The following APBB1IP variants were observed in gnomAD, a reference collection of about 807,000 sequenced individuals.
APBB1IP encodes the protein amyloid beta A4 precursor protein-binding family B member 1-interacting protein.
A neutral mutation model predicts 64.9 loss-of-function variants in APBB1IP; 27 were observed. The observed-to-expected ratio is 0.42, with a 90% CI of 0.31 to 0.57. APBB1IP has a LOEUF of 0.57. Ranked by LOEUF, APBB1IP falls within the 20% of genes least tolerant of loss-of-function variation. The pLI is 0.20. For missense variants in APBB1IP, 812 were observed against 845.5 expected (o/e 0.96, Z 0.49); for synonymous variants, 392 against 331.0 (o/e 1.18, Z -2.00).
intron 3 of APBB1IP, among the ~76,000 whole-genome samples, chr10:26,493,626 T>C (rs901757020): frequency 2.0e-5 from 3 of 152,174 alleles, no homozygotes; most frequent in African/African-American, 4.8e-5. Context: ...GTGACAATGA[T>C]GGGTTAAAGA....
chr10:26,511,935 A>G (rs1836266236), intron 7 of APBB1IP, 29 bp downstream of exon 7: 2 of 1,610,500 alleles, frequency 1.2e-6, no homozygotes, highest in South Asian at 1.1e-5. Context: ...AATGGGCTGT[A>G]CTCCAAAAAC....
chr10:26,564,639 C>T (rs1837016835), intron 14 of APBB1IP, among the ~76,000 whole-genome samples: 1 of 151,910 alleles, frequency 6.6e-6, no homozygotes, highest in African/African-American at 2.4e-5. Context: ...CCTGTCTCTA[C>T]AAAAAGTACA....
At chr10:26,454,210 G>A (rs935338318) in intron 2 of APBB1IP, among the ~76,000 whole-genome samples, 18 of 152,214 alleles carry the variant, frequency 1.2e-4, no homozygotes, top group Admixed American at 3.9e-4. Context: ...GGAGGCTGAG[G>A]CAGGTGAATC....
intron 2 of APBB1IP, among the ~76,000 whole-genome samples, chr10:26,475,608 C>T (rs971091009): frequency 6.6e-6 from 1 of 152,164 alleles, no homozygotes; most frequent in African/African-American, 2.4e-5. Flanking sequence ...TAAATCCCAT[C>T]CGGCCATGGA....
In APBB1IP at chr10:26,499,133, G is replaced by A. The variant is rs531987338; in HGVS notation, c.161-1686G>A. ...ATTAAAAAATTAGCCAGGCATGCTC[G>A]TATGTGCCTGTAGTCCCAGCTACTC... is the stretch of plus-strand genomic sequence containing the variant. On this transcript the variant is annotated intron_variant, in intron 4 of 14. Transcript: ENST00000376236. 4.6e-5 allele frequency among the ~76,000 whole-genome samples: 7 copies of A among 151,952 alleles called. No individual in the cohort carries two copies. In the South Asian group the frequency reaches 1.2e-3, roughly 27 times the overall value.
chr10:26,473,095 CTT>C (rs1231263091), intron 2 of APBB1IP, among the ~76,000 whole-genome samples: 1 of 152,190 alleles, frequency 6.6e-6, no homozygotes, highest in East Asian at 1.9e-4. Flanking sequence ...ACCCTCAACT[CTT>C]TGTTACTCAA....
In APBB1IP at chr10:26,439,615, T is replaced by C. The variant is rs77012444; in HGVS notation, c.-1+762T>C. 9.7e-3 allele frequency among the ~76,000 whole-genome samples: 1,474 copies of C among 151,664 alleles called. 26 individuals are homozygous for C. Among genetic ancestry groups the C allele is most frequent in the African/African-American group, 0.034 (1,392 of 41,338 alleles). On this transcript the variant is annotated intron_variant, in intron 2 of 14. Coordinates refer to ENST00000376236, the MANE Select transcript of APBB1IP (RefSeq NM_019043.4). ...TACCTCTTACTTTCCTGCTAAGGTA[T>C]TTCTTAGTTCATACCCCTGTGGAAC...
intron 8 of APBB1IP, among the ~76,000 whole-genome samples, chr10:26,521,050 A>T (rs1836395407): frequency 6.6e-6 from 1 of 152,236 alleles, no homozygotes; most frequent in African/African-American, 2.4e-5. Flanking sequence ...AGATCACCCC[A>T]TTTTAAATGA....
In APBB1IP at chr10:26,507,039, G is replaced by A. The variant is rs1159739315; in HGVS notation, c.531+3765G>A. 3.9e-5 allele frequency among the ~76,000 whole-genome samples: 6 copies of A among 152,240 alleles called. No homozygotes were observed. In the East Asian group the frequency reaches 7.7e-4, roughly 20 times the overall value. On this transcript the variant is annotated intron_variant, in intron 6 of 14. Transcript: ENST00000376236. ...AATATGCTCCAGCAAGAATCAGCTC[G>A]GGGAGGTGGGGAAAAAAGGAAGGAA...
At chr10:26,561,872 T>A (rs1305413632) in intron 13 of APBB1IP, 1 of 153,534 alleles carries the variant, frequency 6.5e-6, no homozygotes, top group East Asian at 1.9e-4. Flanking sequence ...TGTTGAAGAG[T>A]TGTTCCTGTA....
intron 2 of APBB1IP, among the ~76,000 whole-genome samples, chr10:26,447,005 T>C (rs986658253): frequency 6.6e-6 from 1 of 151,994 alleles, no homozygotes; most frequent in African/African-American, 2.4e-5. Context: ...AGAAATAATA[T>C]GGTGCAGATA....
At chr10:26,482,873 G>A (rs1835851312) in intron 2 of APBB1IP, among the ~76,000 whole-genome samples, 2 of 150,692 alleles carry the variant, frequency 1.3e-5, no homozygotes, top group Admixed American at 1.3e-4. Flanking sequence ...ATCACCTGAG[G>A]TCAGGTGTTT....
intron 8 of APBB1IP, among the ~76,000 whole-genome samples, chr10:26,525,880 G>A (rs567246361): frequency 2.0e-5 from 3 of 152,150 alleles, no homozygotes; most frequent in Admixed American, 1.3e-4. Context: ...ACTTGGCAAG[G>A]CCTGTTCCAA....
At chr10:26,453,739 C>T (rs1010696270) in intron 2 of APBB1IP, among the ~76,000 whole-genome samples, 5 of 152,126 alleles carry the variant, frequency 3.3e-5, no homozygotes, top group Admixed American at 6.5e-5. Context: ...AAATGCTCAA[C>T]GTCACTAGTC....
intron 8 of APBB1IP, among the ~76,000 whole-genome samples, chr10:26,528,795 A>G: frequency 6.6e-6 from 1 of 152,106 alleles, no homozygotes; most frequent in East Asian, 1.9e-4. Flanking sequence ...AAATTAGCTG[A>G]CCATGGTGGC....
At chr10:26,559,401 CA>C (rs35531284) in intron 11 of APBB1IP, among the ~76,000 whole-genome samples, 25,318 of 141,648 alleles carry the variant, frequency 0.18, 2,981 homozygotes, top group African/African-American at 0.32. Context: ...CCAATTCTAC[CA>C]AAAAAAAAAA....
At chr10:26,457,433 C>A (rs1483822769) in intron 2 of APBB1IP, among the ~76,000 whole-genome samples, 1 of 152,212 alleles carries the variant, frequency 6.6e-6, no homozygotes, top group Non-Finnish European at 1.5e-5. Flanking sequence ...AGCCACTGTG[C>A]CTGGCCTCAC....
chr10:26,489,017 C>G (rs1835925161), intron 2 of APBB1IP, among the ~76,000 whole-genome samples: 1 of 152,204 alleles, frequency 6.6e-6, no homozygotes, highest in Admixed American at 6.5e-5. Context: ...CTAAAGACCC[C>G]TTCTTGTACC....
intron 6 of APBB1IP, among the ~76,000 whole-genome samples, chr10:26,504,587 G>C (rs1836151125): frequency 6.6e-6 from 1 of 151,994 alleles, no homozygotes. Flanking sequence ...GTGTGCATCT[G>C]TAATCCCAGC....
Sources: allele counts gnomAD v4.1 joint callset (sites outside exome capture counted in the v4.1 genomes callset), GRCh38; gene constraint gnomAD v4.1.1; transcripts MANE v1.5; gene names NCBI Gene and HGNC (gene_info 2026-07-23, HGNC 2026-07-21).